The following IRAK4 variants were observed in gnomAD, a reference collection of about 807,000 sequenced individuals.
IRAK4 encodes interleukin-1 receptor-associated kinase 4.
IRAK4 carries 44 observed loss-of-function variants against 51.8 expected under a neutral mutation model. That is an observed-to-expected ratio of 0.85 (90% confidence interval 0.67 to 1.09). The LOEUF is 1.09. IRAK4 is among the 50% of genes least tolerant of loss of function. The pLI is 0.00. For synonymous variants in IRAK4, 149 were observed against 174.1 expected, an observed-to-expected ratio of 0.86 and a Z score of 1.13; for missense variants, 487 against 538.0, an observed-to-expected ratio of 0.91 and a Z score of 0.94.
At chr12:43,777,325 G>A in intron 6 of IRAK4, among the ~76,000 whole-genome samples, 1 of 152,132 alleles carries the variant, frequency 6.6e-6, no homozygotes, top group Middle Eastern at 3.2e-3. Context: ...GATGGTCGAG[G>A]CCGCAGTGAG....
chr12:43,765,982 T>C (rs902331881), intron 1 of IRAK4, among the ~76,000 whole-genome samples: 9 of 152,192 alleles, frequency 5.9e-5, no homozygotes, highest in Non-Finnish European at 8.8e-5. Context: ...AGCTCTCCTT[T>C]CTGCTCACCT....
intron 5 of IRAK4, 198 bp from the exon 6 acceptor site, chr12:43,773,767 T>C: frequency 2.4e-6 from 1 of 409,494 alleles, no homozygotes; most frequent in Non-Finnish European, 4.4e-6. Flanking sequence ...AATTTATATA[T>C]ATTTTTCATT....
chr12:43,786,299 A>G, intron 10 of IRAK4, 100 bp from the exon 11 acceptor site: 1 of 742,460 alleles, frequency 1.3e-6, no homozygotes, highest in Non-Finnish European at 1.9e-6. Context: ...ATGAGAGCAC[A>G]TGTTATTACA....
chr12:43,778,529 G>C lies in IRAK4; in HGVS notation c.941+227G>C, dbSNP rs368250591. Among the ~76,000 whole-genome samples, 98 of 152,104 alleles carry C rather than the reference G, an allele frequency of 6.4e-4. No homozygotes were observed. In the East Asian group the frequency reaches 0.011, roughly 17 times the overall value. On this transcript the variant is annotated intron_variant, in intron 8 of 11. Transcript: ENST00000613694. ...TTGACCTTTTTTGTTTGTTTTAATA[G>C]TAGTTTATTCTGTTCTTCTTGACAC...
chr12:43,760,286 C>T (rs1042011612), intron 1 of IRAK4, among the ~76,000 whole-genome samples: 1 of 152,196 alleles, frequency 6.6e-6, no homozygotes, highest in African/African-American at 2.4e-5. Flanking sequence ...TCTGCTACGA[C>T]CCTGGTCCCA....
At chr12:43,764,900 A>C (rs956457557) in intron 1 of IRAK4, among the ~76,000 whole-genome samples, 6 of 152,214 alleles carry the variant, frequency 3.9e-5, no homozygotes, top group Admixed American at 2.0e-4. Context: ...CCCTCCAGAA[A>C]GTCAGCAAGC....
intron 1 of IRAK4, among the ~76,000 whole-genome samples, chr12:43,765,077 A>C (rs1939978855): frequency 6.6e-6 from 1 of 152,184 alleles, no homozygotes; most frequent in African/African-American, 2.4e-5. Context: ...TTTTTGAGGA[A>C]ATGGTTTAGG....
Position 43,786,572 on chromosome 12 carries a change from T to C in IRAK4, c.1347+15T>C, listed in dbSNP as rs777843742. On this transcript the variant is annotated intron_variant, in intron 11 of 11. Transcript: ENST00000613694. ...ACATTAAGAAGGTATGCATTTTTTA[T>C]ACTTATTTAAAAAGTGAAAGGGGTG... The C allele has an allele frequency of 2.5e-6, 4 of 1,612,360 alleles. No homozygotes were observed. The highest frequency in any genetic ancestry group is 1.7e-5 in the Admixed American group (1 of 59,998).
intron 6 of IRAK4, among the ~76,000 whole-genome samples, chr12:43,774,924 T>G (rs982411388): frequency 6.6e-6 from 1 of 152,270 alleles, no homozygotes; most frequent in African/African-American, 2.4e-5. Flanking sequence ...CCCTTACAAC[T>G]GTTACAACTG....
chr12:43,768,271 A>G lies in IRAK4; in HGVS notation c.160A>G (p.Arg54Gly). 1 of 1,603,310 alleles carries G rather than the reference A, an allele frequency of 6.2e-7. No individual in the cohort carries two copies. Among genetic ancestry groups the G allele is most frequent in the Non-Finnish European group, 8.5e-7 (1 of 1,171,198 alleles). ...TGATAGATACAATCAGTTTCACATA[A>G]GGTAACAGATAAAATTCTTTGTATT... ...GDDRYNQFHI[R>G]RFEALLQTGK... The change falls in exon 2 of 12, where the codon AGG becomes GGG. Residue 54 changes from arginine (R) to glycine (G), a missense_variant and splice_region_variant. Transcript: ENST00000613694.
chr12:43,774,254 A>AT (rs1316521234), intron 6 of IRAK4, among the ~76,000 whole-genome samples: 1 of 151,798 alleles, frequency 6.6e-6, no homozygotes. Context: ...TTATTTATTT[A>AT]TTTTTTTTGA....
intron 10 of IRAK4, among the ~76,000 whole-genome samples, chr12:43,784,388 T>C (rs1269783946): frequency 6.6e-6 from 1 of 152,090 alleles, no homozygotes; most frequent in African/African-American, 2.4e-5. Context: ...GGACATAGCA[T>C]CAGAGTCAGA....
chr12:43,788,250 T>C lies in IRAK4; in HGVS notation c.*1535T>C, dbSNP rs1285862193. 1 of 152,212 alleles carries C rather than the reference T, an allele frequency of 6.6e-6. No individual in the cohort carries two copies. Among genetic ancestry groups the C allele is most frequent in the Admixed American group, 6.5e-5 (1 of 15,272 alleles). The allele number at this position is 152,212 out of a possible 1,614,324, so 9.4% of individuals were successfully genotyped here. ...CAGAGCATGTACAGCGGGAGGCTTA[T>C]AGTGTACGTACTGAAATGTGGGGTT... On this transcript the variant is annotated 3_prime_UTR_variant, in exon 12 of 12. Coordinates refer to ENST00000613694, the MANE Select transcript of IRAK4 (RefSeq NM_016123.4).
chr12:43,782,209 TA>T (rs1205810478), intron 8 of IRAK4, 97 bp from the exon 9 acceptor site: 1 of 759,256 alleles, frequency 1.3e-6, no homozygotes, highest in African/African-American at 1.7e-5. Flanking sequence ...TGCATATACA[TA>T]TATACATGCA....
chr12:43,762,584 G>A (rs775376612), intron 1 of IRAK4, among the ~76,000 whole-genome samples: 38 of 152,132 alleles, frequency 2.5e-4, no homozygotes, highest in Non-Finnish European at 4.4e-4. Flanking sequence ...GTTGTGAGTC[G>A]TTGCTGAGGT....
In IRAK4 at chr12:43,768,199, G is replaced by T. The variant is rs1443126481; in HGVS notation, c.88G>T (p.Glu30Ter). Residue 30 changes from glutamate to a stop codon, truncating the protein, a stop_gained, in exon 2 of 12, where the codon GAA (glutamate) becomes TAA (stop). Transcript: ENST00000613694. LOFTEE classifies it high-confidence loss of function. ...GCTGTCAGATTTTATTGATCCTCAAGAAGGATGGAAGAAGTTAGCTGTAGC... is the reference window on the plus strand; with the variant it reads ...GCTGTCAGATTTTATTGATCCTCAATAAGGATGGAAGAAGTTAGCTGTAGC... ...RKLSDFIDPQ[E>*]GWKKLAVAIK... 1 of 1,613,236 alleles carries T rather than the reference G, an allele frequency of 6.2e-7. No homozygotes were observed. The highest frequency in any genetic ancestry group is 8.5e-7 in the Non-Finnish European group (1 of 1,179,332).
chr12:43,785,471 C>T (rs1942126138), intron 10 of IRAK4, among the ~76,000 whole-genome samples: 1 of 151,990 alleles, frequency 6.6e-6, no homozygotes, highest in African/African-American at 2.4e-5. Context: ...CATCAAGAAG[C>T]AGACCACCCT....
rs771900851 is a variant in IRAK4 at position 43,771,288 on chromosome 12, C to A, written c.230C>A (p.Thr77Lys). The A allele has an allele frequency of 6.2e-7, 1 of 1,614,066 alleles. No homozygotes were observed. The highest frequency in any genetic ancestry group is 1.1e-5 in the South Asian group (1 of 91,080). Reference protein sequence around the residue: ...TSELLFDWGTTNCTVGDLVDL... With the variant: ...TSELLFDWGTKNCTVGDLVDL... ...GAATTACTGTTTGACTGGGGCACCA[C>A]AAATTGCACAGTTGGTGATCTTGTG... The change falls in exon 3 of 12, where the codon ACA becomes AAA. Residue 77 changes from threonine to lysine, a missense_variant. Thr to Lys is a moderately conservative substitution (Grantham distance 78, BLOSUM62 -1). Coordinates refer to ENST00000613694, the MANE Select transcript of IRAK4 (RefSeq NM_016123.4).
In IRAK4 at chr12:43,771,326, C is replaced by T. The variant is rs765736285; in HGVS notation, c.268C>T (p.Gln90Ter). The T allele has an allele frequency of 6.2e-6, 10 of 1,613,962 alleles. No individual in the cohort carries two copies. Among genetic ancestry groups the T allele is most frequent in the Non-Finnish European group, 4.2e-6 (5 of 1,179,998 alleles). The change falls in exon 3 of 12, where the codon CAA becomes TAA. Residue 90 changes from glutamine to a stop codon, truncating the protein, a stop_gained. Coordinates refer to ENST00000613694, the MANE Select transcript of IRAK4 (RefSeq NM_016123.4). LOFTEE classifies it high-confidence loss of function. ...TVGDLVDLLIQNEFFAPASLL... is the reference protein window; with the variant it reads ...TVGDLVDLLI ...TGGTGATCTTGTGGATCTTTTGATC[C>T]AAAATGAATTTTTTGCTCCTGCGAG... is the stretch of plus-strand genomic sequence containing the variant.
Sources: gnomAD v4.1 joint callset for allele counts (sites outside exome capture counted in the v4.1 genomes callset) on GRCh38, gnomAD v4.1.1 for gene constraint, MANE v1.5 for transcripts, NCBI Gene and HGNC (gene_info 2026-07-23, HGNC 2026-07-21) for gene names.